The following MOB3B variants were observed in gnomAD, a reference collection of about 807,000 sequenced individuals.
MOB3B encodes MOB kinase activator-like 2B.
MOB3B carries 7 observed loss-of-function variants against 18.7 expected under a neutral mutation model. The ratio of observed to expected loss-of-function variants is 0.37; its 90% CI spans 0.21 to 0.70. The LOEUF is 0.70. Ranked by LOEUF, MOB3B falls within the 30% of genes least tolerant of loss-of-function variation. MOB3B has a pLI of 0.52. For missense variants in MOB3B, 253 were observed against 281.3 expected (o/e 0.90, Z 0.72); for synonymous variants, 111 against 99.9 (o/e 1.11, Z -0.66).
intron 2 of MOB3B, among the ~76,000 whole-genome samples, chr9:27,423,975 G>C (rs1350885728): frequency 6.6e-6 from 1 of 152,184 alleles, no homozygotes; most frequent in Non-Finnish European, 1.5e-5. Flanking sequence ...CTTTCTCCAG[G>C]TTACATAGCT....
rs560443802 is a variant in MOB3B at position 27,341,714 on chromosome 9, G to C, written c.622-11098C>G. On this transcript the variant is annotated intron_variant, in intron 3 of 3. Transcript: ENST00000262244. ...TGCCCGACTCTGTCACTGACTCTCA[G>C]GTCTATGGGGTGGCCATTATGCTTC... is the stretch of plus-strand genomic sequence containing the variant. Among the ~76,000 whole-genome samples the C allele has an allele frequency of 4.6e-5, 7 of 152,276 alleles. No individual in the cohort carries two copies. The East Asian group carries it at 1.4e-3, about 29-fold the overall frequency.
chr9:27,456,877 C>T (rs968745717), intron 1 of MOB3B, among the ~76,000 whole-genome samples: 8 of 152,198 alleles, frequency 5.3e-5, no homozygotes, highest in African/African-American at 1.7e-4. Flanking sequence ...TGAATTTAAA[C>T]TTAAATAGGT....
intron 1 of MOB3B, among the ~76,000 whole-genome samples, chr9:27,478,810 G>GACACACACACACAC (rs34976107): frequency 2.1e-5 from 3 of 141,308 alleles, no homozygotes; most frequent in Admixed American, 1.4e-4. Flanking sequence ...GGATTAAAAA[G>GACACACACACACAC]ACACACACAC....
At chr9:27,458,663 G>T (rs964326564) in intron 1 of MOB3B, among the ~76,000 whole-genome samples, 4 of 146,818 alleles carry the variant, frequency 2.7e-5, no homozygotes, top group African/African-American at 1.0e-4. Context: ...CGATCCTCCT[G>T]TCTCAGCCTT....
At chr9:27,404,021 A>T (rs1455551888) in intron 2 of MOB3B, among the ~76,000 whole-genome samples, 1 of 152,128 alleles carries the variant, frequency 6.6e-6, no homozygotes, top group African/African-American at 2.4e-5. Flanking sequence ...CTAACACTAG[A>T]ACTCACTCCT....
intron 2 of MOB3B, among the ~76,000 whole-genome samples, chr9:27,442,770 G>C (rs1037637530): frequency 1.3e-5 from 2 of 152,166 alleles, no homozygotes; most frequent in Non-Finnish European, 2.9e-5. Flanking sequence ...AGCTCTCTCA[G>C]CACTTTTGTG....
At chr9:27,370,097 C>A (rs72721191) in intron 2 of MOB3B, among the ~76,000 whole-genome samples, 25,751 of 152,112 alleles carry the variant, frequency 0.17, 2,233 homozygotes, top group East Asian at 0.25. Flanking sequence ...TTATGCCCCC[C>A]TCAAATGCAC....
intron 2 of MOB3B, among the ~76,000 whole-genome samples, chr9:27,435,947 G>A (rs182463340): frequency 2.7e-4 from 41 of 152,236 alleles, no homozygotes; most frequent in Non-Finnish European, 4.7e-4. Flanking sequence ...CTCCCTCTGT[G>A]ACTTCCTCAC....
intron 3 of MOB3B, among the ~76,000 whole-genome samples, chr9:27,336,035 TGGA>T (rs1019340215): frequency 6.6e-6 from 1 of 151,986 alleles, no homozygotes; most frequent in Non-Finnish European, 1.5e-5. Flanking sequence ...AAATGAGAGG[TGGA>T]AGGAAACACG....
At chr9:27,477,133 C>A (rs1050288497) in intron 1 of MOB3B, among the ~76,000 whole-genome samples, 1 of 152,196 alleles carries the variant, frequency 6.6e-6, no homozygotes, top group African/African-American at 2.4e-5. Context: ...TACTCCTCTG[C>A]AGCCATCTTG....
intron 2 of MOB3B, among the ~76,000 whole-genome samples, chr9:27,359,910 G>A (rs1316317727): frequency 6.6e-6 from 1 of 152,172 alleles, no homozygotes; most frequent in Non-Finnish European, 1.5e-5. Context: ...CTCAAACACT[G>A]CTTAAGCTGT....
At chr9:27,454,674 C>A (rs1337029534) in intron 2 of MOB3B, among the ~76,000 whole-genome samples, 1 of 152,224 alleles carries the variant, frequency 6.6e-6, no homozygotes, top group Non-Finnish European at 1.5e-5. Flanking sequence ...TTCAGGATCT[C>A]TTTCTCCTCA....
intron 1 of MOB3B, among the ~76,000 whole-genome samples, chr9:27,527,049 C>CCT (rs1820447207): frequency 6.6e-6 from 1 of 152,078 alleles, no homozygotes; most frequent in South Asian, 2.1e-4. Flanking sequence ...GATATCTCCC[C>CCT]CTTTTACATT....
chr9:27,494,190 A>G (rs1449738844), intron 1 of MOB3B, among the ~76,000 whole-genome samples: 1 of 152,198 alleles, frequency 6.6e-6, no homozygotes, highest in African/African-American at 2.4e-5. Flanking sequence ...CTGTCTCCTG[A>G]TAAGATGTTA....
chr9:27,437,134 A>G (rs1051383439), intron 2 of MOB3B, among the ~76,000 whole-genome samples: 5 of 152,208 alleles, frequency 3.3e-5, no homozygotes, highest in African/African-American at 1.2e-4. Context: ...CAAAGGGTCC[A>G]GTAGGCCAAG....
At chr9:27,481,776 C>G (rs978987164) in intron 1 of MOB3B, among the ~76,000 whole-genome samples, 1 of 152,086 alleles carries the variant, frequency 6.6e-6, no homozygotes, top group Admixed American at 6.5e-5. Flanking sequence ...CTGCCCGCCT[C>G]GGCCTCCCAA....
At chr9:27,352,196 C>T (rs942871378) in intron 3 of MOB3B, among the ~76,000 whole-genome samples, 5 of 151,928 alleles carry the variant, frequency 3.3e-5, no homozygotes, top group South Asian at 2.1e-4. Flanking sequence ...GCCTGGGAAA[C>T]GTAGTGAGAC....
At chr9:27,389,733 A>G (rs998809189) in intron 2 of MOB3B, among the ~76,000 whole-genome samples, 3 of 152,192 alleles carry the variant, frequency 2.0e-5, no homozygotes, top group Non-Finnish European at 4.4e-5. Context: ...AGTGCTTGGT[A>G]CATAGTAGTA....
intron 1 of MOB3B, among the ~76,000 whole-genome samples, chr9:27,525,739 G>T (rs1249736664): frequency 6.6e-6 from 1 of 152,116 alleles, no homozygotes; most frequent in Non-Finnish European, 1.5e-5. Context: ...TGTTTTTCAT[G>T]TGCCTGAAAT....
Sources: allele counts gnomAD v4.1 joint callset (sites outside exome capture counted in the v4.1 genomes callset), GRCh38; gene constraint gnomAD v4.1.1; transcripts MANE v1.5; gene names NCBI Gene and HGNC (gene_info 2026-07-23, HGNC 2026-07-21).